Variants in EYS observed in about 807,000 individuals in gnomAD.
EYS encodes the protein EGF-like photoreceptor maintenance factor.
In EYS, 250 loss-of-function variants were observed where a neutral mutation model predicts 282.1. That is an observed-to-expected ratio of 0.89 (90% CI 0.80 to 0.98). The LOEUF (loss-of-function observed/expected upper bound fraction) is 0.98. EYS is among the 50% of genes least tolerant of loss of function. The probability of loss-of-function intolerance (pLI) is 0.00; values close to 1 mark genes in which losing one functional copy is unlikely to be tolerated. For synonymous variants in EYS, 1,355 were observed against 1,282.9 expected, an observed-to-expected ratio of 1.06 and a Z score of -1.20; for missense variants, 4,016 against 3,709.0, an observed-to-expected ratio of 1.08 and a Z score of -2.15.
chr6:64,448,647 C>T (rs900601882), intron 26 of EYS, among the ~76,000 whole-genome samples: 4 of 152,182 alleles, frequency 2.6e-5, no homozygotes, highest in African/African-American at 9.7e-5. Context: ...GGGTACTCCT[C>T]TGAGACAAAA....
intron 8 of EYS, among the ~76,000 whole-genome samples, chr6:65,354,879 A>C (rs562486149): frequency 6.6e-6 from 1 of 152,116 alleles, no homozygotes; most frequent in African/African-American, 2.4e-5. Context: ...TTACCATTTA[A>C]TTATATTAAA....
chr6:64,952,521 G>A (rs1180815993), intron 14 of EYS, among the ~76,000 whole-genome samples: 2 of 151,944 alleles, frequency 1.3e-5, no homozygotes, highest in Non-Finnish European at 2.9e-5. Flanking sequence ...GTCCAGGTAA[G>A]CTAAACTACT....
At chr6:63,876,607 A>G (rs1055487247) in intron 35 of EYS, among the ~76,000 whole-genome samples, 1 of 152,122 alleles carries the variant, frequency 6.6e-6, no homozygotes, top group African/African-American at 2.4e-5. Flanking sequence ...GTGGGAGTCT[A>G]AGTCTCTTTA....
At chr6:64,978,534 T>C (rs1770546421) in intron 14 of EYS, among the ~76,000 whole-genome samples, 3 of 152,090 alleles carry the variant, frequency 2.0e-5, no homozygotes, top group South Asian at 2.1e-4. Flanking sequence ...CTGTAGCCCA[T>C]GAATGAAAGA....
chr6:65,215,726 T>C (rs1262133657), intron 12 of EYS, among the ~76,000 whole-genome samples: 1 of 152,144 alleles, frequency 6.6e-6, no homozygotes, highest in Non-Finnish European at 1.5e-5. Context: ...AATTTCATTG[T>C]TGTGTTATGT....
At chr6:64,467,724 G>T (rs138003990) in intron 26 of EYS, among the ~76,000 whole-genome samples, 1 of 152,058 alleles carries the variant, frequency 6.6e-6, no homozygotes, top group Non-Finnish European at 1.5e-5. Context: ...GGCCTGCTCT[G>T]CACACTGCTA....
intron 26 of EYS, among the ~76,000 whole-genome samples, chr6:64,579,012 G>A (rs1765978143): frequency 6.6e-6 from 1 of 152,208 alleles, no homozygotes. Context: ...AATTTTCTAT[G>A]TACAAGTGAC....
chr6:64,349,165 T>C (rs886557800), intron 29 of EYS, among the ~76,000 whole-genome samples: 2 of 151,426 alleles, frequency 1.3e-5, no homozygotes, highest in Non-Finnish European at 3.0e-5. Context: ...TGCATTGTAG[T>C]ATTACAAGAA....
At chr6:64,592,081 G>T in intron 25 of EYS, 92 bp from the exon 26 acceptor site, 1 of 768,564 alleles carries the variant, frequency 1.3e-6, no homozygotes, top group Non-Finnish European at 2.0e-6. Context: ...AATTGCACTG[G>T]CACCTTACAT....
At chr6:64,794,796 T>A (rs1346931276) in intron 22 of EYS, among the ~76,000 whole-genome samples, 1 of 152,206 alleles carries the variant, frequency 6.6e-6, no homozygotes, top group East Asian at 1.9e-4. Flanking sequence ...CCCATTACTA[T>A]GATTTTCTGA....
At chr6:64,782,264 C>T (rs2149994486) in intron 22 of EYS, among the ~76,000 whole-genome samples, 1 of 152,270 alleles carries the variant, frequency 6.6e-6, no homozygotes, top group African/African-American at 2.4e-5. Context: ...AATTTGCAGT[C>T]TACAATTGAT....
intron 22 of EYS, among the ~76,000 whole-genome samples, chr6:64,705,306 C>T (rs1310760982): frequency 2.6e-5 from 4 of 152,002 alleles, no homozygotes; most frequent in Non-Finnish European, 4.4e-5. Context: ...AGGGAAACTA[C>T]AAAATACTGC....
intron 22 of EYS, among the ~76,000 whole-genome samples, chr6:64,708,022 A>C (rs1355124420): frequency 1.3e-5 from 2 of 152,202 alleles, no homozygotes; most frequent in Non-Finnish European, 2.9e-5. Flanking sequence ...GCACAAAAAA[A>C]AACCCGGATA....
intron 33 of EYS, among the ~76,000 whole-genome samples, chr6:64,009,668 G>T (rs1427377178): frequency 6.6e-6 from 1 of 151,796 alleles, no homozygotes; most frequent in African/African-American, 2.4e-5. Flanking sequence ...TAGATTTTTT[G>T]ACTTTGTTCT....
intron 12 of EYS, among the ~76,000 whole-genome samples, chr6:65,147,519 T>G (rs572826410): frequency 6.6e-6 from 1 of 152,204 alleles, no homozygotes; most frequent in African/African-American, 2.4e-5. Context: ...CCCTTACATT[T>G]TTCTTATGAT....
chr6:64,667,836 G>A (rs761376191), intron 22 of EYS, among the ~76,000 whole-genome samples: 2 of 152,092 alleles, frequency 1.3e-5, no homozygotes, highest in South Asian at 4.1e-4. Flanking sequence ...TCTACAAGCA[G>A]GTAGAGGAGT....
chr6:64,940,964 ATC>A (rs1191012794), intron 15 of EYS, among the ~76,000 whole-genome samples: 1 of 152,106 alleles, frequency 6.6e-6, no homozygotes, highest in Non-Finnish European at 1.5e-5. Context: ...TAAAATAATC[ATC>A]TGAGTGTGTT....
chr6:65,577,807 C>T (rs1764728562), intron 2 of EYS, among the ~76,000 whole-genome samples: 1 of 145,872 alleles, frequency 6.9e-6, no homozygotes, highest in Non-Finnish European at 1.5e-5. Flanking sequence ...AGGAGACATA[C>T]AAATGGCTAG....
At chr6:64,757,197 G>A (rs1470594586) in intron 22 of EYS, among the ~76,000 whole-genome samples, 1 of 152,008 alleles carries the variant, frequency 6.6e-6, no homozygotes, top group Non-Finnish European at 1.5e-5. Flanking sequence ...TTTTTTGTCT[G>A]TAAGAAATGT....
Sources: gnomAD v4.1 joint callset for allele counts (sites outside exome capture counted in the v4.1 genomes callset) on GRCh38, gnomAD v4.1.1 for gene constraint, MANE v1.5 for transcripts, NCBI Gene and HGNC (gene_info 2026-07-23, HGNC 2026-07-21) for gene names.